Variants in PARG observed in about 807,000 individuals in gnomAD.
PARG encodes the protein poly(ADP-ribose) glycohydrolase.
A neutral mutation model predicts 113.0 loss-of-function variants in PARG; 35 were observed. The observed-to-expected ratio is 0.31, with a 90% confidence interval of 0.24 to 0.41. The LOEUF (loss-of-function observed/expected upper bound fraction) is 0.41. Ranked by LOEUF, PARG falls within the 10% of genes least tolerant of loss-of-function variation. PARG has a pLI of 1.00. For synonymous variants in PARG, 330 were observed against 409.9 expected (o/e 0.81, Z 2.36); for missense variants, 797 against 1,169.4 (o/e 0.68, Z 4.64).
Position 49,832,870 on chromosome 10 carries a change from C to A in PARG, c.2580G>T (p.Glu860Asp), listed in dbSNP as rs782151400. ...CGFLRPGVSS[E>D]NLSAVATGNW... ...TTCCTGTGGCCACTGCAGAAAGATT[C>A]TCTGAAGAAACTCCAGGACGGAGAA... The change falls in exon 16 of 18, where the codon GAG becomes GAT. Residue 860 changes from glutamate to aspartate, a missense_variant. Physicochemically the swap from Glu to Asp is conservative, Grantham distance 45 (BLOSUM62 2). Coordinates refer to ENST00000616448, the MANE Select transcript of PARG (RefSeq NM_003631.5). The A allele has an allele frequency of 9.7e-6, 15 of 1,550,784 alleles. No individual in the cohort carries two copies. Among genetic ancestry groups the A allele is most frequent in the Non-Finnish European group, 1.2e-5 (14 of 1,146,242 alleles).
At chr10:49,887,891 G>A (rs1487350640) in intron 7 of PARG, among the ~76,000 whole-genome samples, 2 of 152,128 alleles carry the variant, frequency 1.3e-5, no homozygotes, top group African/African-American at 4.8e-5. Flanking sequence ...GTTTAATGTA[G>A]TCTTTGATAT....
chr10:49,852,491 C>T (rs1554834346), intron 13 of PARG, among the ~76,000 whole-genome samples: 2 of 150,680 alleles, frequency 1.3e-5, no homozygotes, highest in Non-Finnish European at 3.0e-5. Context: ...TGTTTTATTC[C>T]CAAGGAAAAT....
intron 1 of PARG, 56 bp from the exon 2 acceptor site, chr10:49,935,198 T>C (rs1273884262): frequency 1.5e-6 from 1 of 675,882 alleles, no homozygotes; most frequent in African/African-American, 1.8e-5. Flanking sequence ...ATATACAGCA[T>C]ATTGTACATG....
At chr10:49,889,912 T>A (rs1253486619) in intron 7 of PARG, among the ~76,000 whole-genome samples, 1 of 152,180 alleles carries the variant, frequency 6.6e-6, no homozygotes, top group Non-Finnish European at 1.5e-5. Flanking sequence ...TTTAAGAACA[T>A]AAGTGACTAA....
chr10:49,914,290 T>C (rs557633422), intron 7 of PARG, among the ~76,000 whole-genome samples: 2 of 152,328 alleles, frequency 1.3e-5, no homozygotes, highest in African/African-American at 4.8e-5. Flanking sequence ...TATGTCCTGA[T>C]AACTTAAGTG....
At chr10:49,825,904 T>C (rs1040115415) in intron 16 of PARG, among the ~76,000 whole-genome samples, 14 of 152,310 alleles carry the variant, frequency 9.2e-5, no homozygotes, top group Middle Eastern at 3.4e-3. Context: ...CTGACACAGG[T>C]TGAGTATCCC....
rs537709957 is a variant in PARG at position 49,862,087 on chromosome 10, G to A, written c.2130-424C>T. On this transcript the variant is annotated intron_variant, in intron 11 of 17. Coordinates refer to ENST00000616448, the MANE Select transcript of PARG (RefSeq NM_003631.5). ...TTTCTATTTTCACTGTTTCATAACC[G>A]TGTGTGTGTGTGTGTGTGTGTGTGT... Among the ~76,000 whole-genome samples the A allele has an allele frequency of 2.1e-3, 127 of 60,708 alleles. 2 individuals carry two copies. Among genetic ancestry groups the A allele is most frequent in the African/African-American group, 8.3e-3 (120 of 14,498 alleles). The allele number at this position is 60,708 out of a possible 152,430, so 39.8% of individuals were successfully genotyped here.
rs1235692847 is a variant in PARG at position 49,933,611 on chromosome 10, G to C, written c.837C>G (p.Asn279Lys). Residue 279 changes from asparagine to lysine, a missense_variant, in exon 3 of 18, where the codon AAC (asparagine) becomes AAG (lysine). Asn to Lys is a moderately conservative substitution (Grantham distance 94). Coordinates refer to ENST00000616448, the MANE Select transcript of PARG (RefSeq NM_003631.5). ...EDVGTGPKNDNKLTRQESCLG... is the reference protein window; with the variant it reads ...EDVGTGPKNDKKLTRQESCLG... ...GGCAACTTTCTTGTCTAGTCAATTT[G>C]TTGTCATTTTTTGGCCCAGTACCAA... is the stretch of plus-strand genomic sequence containing the variant. 1.9e-6 allele frequency: 3 copies of C among 1,610,536 alleles called. No individual in the cohort carries two copies. In the African/African-American group the frequency reaches 4.0e-5, roughly 22 times the overall value.
intron 7 of PARG, among the ~76,000 whole-genome samples, chr10:49,902,427 G>A (rs1237857014): frequency 1.3e-5 from 2 of 152,068 alleles, no homozygotes; most frequent in East Asian, 3.8e-4. Flanking sequence ...ATCATCTAGG[G>A]CATTCATCCC....
intron 4 of PARG, among the ~76,000 whole-genome samples, chr10:49,927,361 GGAAAGAAGGAAAGAAAGAAAGAAA>G (rs1564664775): frequency 3.2e-5 from 3 of 92,314 alleles, no homozygotes; most frequent in Middle Eastern, 5.6e-3. Flanking sequence ...AAAGAAAGAA[GGAAAGAAGGAAAGAAAGAAAGAAA>G]GAAAGAAAGA....
chr10:49,842,095 C>A lies in PARG; in HGVS notation c.2433-37G>T. The A allele has an allele frequency of 5.1e-6, 7 of 1,368,072 alleles. No homozygotes were observed. The South Asian group carries it at 8.7e-5, about 17-fold the overall frequency. 84.7% of individuals were successfully genotyped at this position (1,368,072 alleles called of 1,614,324 possible). A position where few individuals can be genotyped will look rare whatever the true frequency, so the allele number is the denominator to read the frequency against. On this transcript the variant is annotated intron_variant, in intron 14 of 17. Transcript: ENST00000616448. ...AGGAAAGGGGAGAAAAGATAAGGAA[C>A]AGGTAGTCGCTCAAATAAAATCCTC...
intron 6 of PARG, among the ~76,000 whole-genome samples, chr10:49,920,228 C>T (rs1460991895): frequency 2.6e-5 from 4 of 151,462 alleles, no homozygotes; most frequent in South Asian, 2.1e-4. Context: ...ATCACTTGAG[C>T]CCAGGAGTTG....
chr10:49,904,150 A>G (rs1161028359), intron 7 of PARG, among the ~76,000 whole-genome samples: 1 of 151,908 alleles, frequency 6.6e-6, no homozygotes, highest in African/African-American at 2.4e-5. Context: ...AGAATAGGGC[A>G]GCTAAGATGA....
intron 7 of PARG, among the ~76,000 whole-genome samples, chr10:49,891,360 A>C (rs1847772817): frequency 1.3e-5 from 2 of 151,594 alleles, no homozygotes; most frequent in Non-Finnish European, 2.9e-5. Flanking sequence ...AATCAATCAC[A>C]AATCAATGAA....
intron 16 of PARG, among the ~76,000 whole-genome samples, chr10:49,830,212 C>G (rs1241118646): frequency 1.3e-5 from 2 of 152,236 alleles, no homozygotes; most frequent in African/African-American, 4.8e-5. Flanking sequence ...CTGTCTATCA[C>G]AAATGACCAC....
At position 49,832,913 on chromosome 10, in the gene PARG, A is replaced by G. The variant is rs550256493; in HGVS notation, c.2542-5T>C. Reference sequence around the variant, plus strand: ...ACGGAGAAATCCACAGTAAGCCTGCAGGATAAAAGAATTATCAAAGCCTGT... The same window carrying G: ...ACGGAGAAATCCACAGTAAGCCTGCGGGATAAAAGAATTATCAAAGCCTGT... On this transcript the variant is annotated splice_region_variant and splice_polypyrimidine_tract_variant and intron_variant, in intron 15 of 17. Coordinates refer to ENST00000616448, the MANE Select transcript of PARG (RefSeq NM_003631.5). The G allele has an allele frequency of 3.3e-6, 5 of 1,495,644 alleles. No individual in the cohort carries two copies. The African/African-American group carries it at 5.6e-5, about 17-fold the overall frequency. The allele number at this position is 1,495,644 out of a possible 1,614,324, so 92.6% of individuals were successfully genotyped here.
At chr10:49,893,281 C>A (rs1290117709) in intron 7 of PARG, among the ~76,000 whole-genome samples, 2 of 152,200 alleles carry the variant, frequency 1.3e-5, no homozygotes, top group Non-Finnish European at 2.9e-5. Context: ...AGGCTAATAT[C>A]TTATTCTAGT....
chr10:49,836,253 G>A (rs1286385223), intron 15 of PARG, among the ~76,000 whole-genome samples: 1 of 146,588 alleles, frequency 6.8e-6, no homozygotes, highest in Non-Finnish European at 1.5e-5. Context: ...TTAATACACA[G>A]TGGATATTGA....
chr10:49,839,713 A>G (rs543441419), intron 15 of PARG, among the ~76,000 whole-genome samples: 13 of 152,366 alleles, frequency 8.5e-5, no homozygotes, highest in Admixed American at 2.6e-4. Context: ...AAAGATCATA[A>G]TTGAGGATAA....
Sources: gnomAD v4.1 joint callset for allele counts (sites outside exome capture counted in the v4.1 genomes callset) on GRCh38, gnomAD v4.1.1 for gene constraint, MANE v1.5 for transcripts, NCBI Gene and HGNC (gene_info 2026-07-23, HGNC 2026-07-21) for gene names.